Variants in SGMS1 observed in about 807,000 individuals in gnomAD.
SGMS1 encodes phosphatidylcholine:ceramide cholinephosphotransferase 1.
A neutral mutation model predicts 46.2 loss-of-function variants in SGMS1; 13 were observed. The ratio of observed to expected loss-of-function variants is 0.28; its 90% confidence interval spans 0.18 to 0.45. The LOEUF (loss-of-function observed/expected upper bound fraction) is 0.45. SGMS1 is among the 20% of genes least tolerant of loss of function. SGMS1 has a pLI of 1.00. For missense variants in SGMS1, 324 were observed against 519.9 expected, an observed-to-expected ratio of 0.62 and a Z score of 3.66; for synonymous variants, 203 against 187.8, an observed-to-expected ratio of 1.08 and a Z score of -0.66.
chr10:50,445,540 T>C (rs1837000507), intron 5 of SGMS1, among the ~76,000 whole-genome samples: 1 of 152,182 alleles, frequency 6.6e-6, no homozygotes, highest in Admixed American at 6.5e-5. Flanking sequence ...CTGTCTTTAC[T>C]GCAATCTCTG....
chr10:50,485,872 C>T (rs1358877486), intron 3 of SGMS1, among the ~76,000 whole-genome samples: 1 of 152,094 alleles, frequency 6.6e-6, no homozygotes, highest in Non-Finnish European at 1.5e-5. Flanking sequence ...TGCATTCCAG[C>T]CTGGGCAACA....
rs992181053 is a variant in SGMS1 at position 50,621,260 on chromosome 10, G to A, written c.-684+2447C>T. ...GGTTTTCATGACGTATGTTAACAAAGCACACCATTTCTCTAGCTGAAATGT... is the reference window on the plus strand; with the variant it reads ...GGTTTTCATGACGTATGTTAACAAAACACACCATTTCTCTAGCTGAAATGT... On this transcript the variant is annotated intron_variant, in intron 1 of 10. Transcript: ENST00000361781. Among the ~76,000 whole-genome samples the A allele has an allele frequency of 5.3e-5, 8 of 152,168 alleles. No homozygotes were observed. In the East Asian group the frequency reaches 1.5e-3, roughly 29 times the overall value.
intron 6 of SGMS1, among the ~76,000 whole-genome samples, chr10:50,398,116 G>A (rs772028798): frequency 3.3e-5 from 5 of 152,208 alleles, no homozygotes; most frequent in African/African-American, 4.8e-5. Flanking sequence ...AATAAAGTGA[G>A]GCAGACAAGT....
intron 4 of SGMS1, among the ~76,000 whole-genome samples, chr10:50,464,760 C>A (rs527758108): frequency 5.9e-5 from 9 of 152,224 alleles, no homozygotes; most frequent in Non-Finnish European, 8.8e-5. Context: ...GTGAGACCTG[C>A]ATCAGTCTTC....
At chr10:50,551,921 C>A (rs760137493) in intron 2 of SGMS1, among the ~76,000 whole-genome samples, 3 of 152,174 alleles carry the variant, frequency 2.0e-5, no homozygotes, top group Admixed American at 6.5e-5. Context: ...TGGCTTCCCA[C>A]TACTTATATC....
intron 2 of SGMS1, among the ~76,000 whole-genome samples, chr10:50,559,757 C>T (rs36122110): frequency 0.2 from 30,285 of 152,094 alleles, 3,955 homozygotes; most frequent in East Asian, 0.64. Flanking sequence ...GGGTGGCTAA[C>T]AGGCACATGG....
intron 7 of SGMS1, 129 bp downstream of exon 7, chr10:50,343,363 T>C (rs1847851278): frequency 8.9e-7 from 1 of 1,120,518 alleles, no homozygotes; most frequent in African/African-American, 1.6e-5. Flanking sequence ...AGGGTATGTG[T>C]TTAAAAAAGA....
chr10:50,320,629 C>T (rs1292717009), intron 8 of SGMS1, among the ~76,000 whole-genome samples: 2 of 152,194 alleles, frequency 1.3e-5, no homozygotes, highest in African/African-American at 2.4e-5. Context: ...AAAATCTTCC[C>T]ACAAGATTGA....
At chr10:50,453,819 G>T (rs1209636263) in intron 5 of SGMS1, among the ~76,000 whole-genome samples, 2 of 35,522 alleles carry the variant, frequency 5.6e-5, no homozygotes, top group Non-Finnish European at 1.4e-4. Flanking sequence ...GAGGGAGGAA[G>T]GGAGGGAGGG....
At chr10:50,482,680 T>C (rs1432536518) in intron 3 of SGMS1, among the ~76,000 whole-genome samples, 2 of 151,976 alleles carry the variant, frequency 1.3e-5, no homozygotes, top group Non-Finnish European at 2.9e-5. Flanking sequence ...GCTAGGATCA[T>C]TTGACAGGAT....
At chr10:50,494,143 G>A (rs1297453378) in intron 3 of SGMS1, among the ~76,000 whole-genome samples, 1 of 152,190 alleles carries the variant, frequency 6.6e-6, no homozygotes, top group Non-Finnish European at 1.5e-5. Context: ...ATGCTGGCGA[G>A]GTTCTAGAGA....
intron 8 of SGMS1, among the ~76,000 whole-genome samples, chr10:50,318,193 T>C (rs1847379248): frequency 6.6e-6 from 1 of 152,236 alleles, no homozygotes; most frequent in South Asian, 2.1e-4. Context: ...TCCCAATTGA[T>C]TTTAACTTTC....
At chr10:50,609,024 G>A (rs781590200) in intron 1 of SGMS1, among the ~76,000 whole-genome samples, 28 of 151,922 alleles carry the variant, frequency 1.8e-4, no homozygotes, top group South Asian at 2.1e-4. Flanking sequence ...TCACTCTGTC[G>A]CCCAGTTTGG....
At chr10:50,537,271 T>C (rs1413185370) in intron 2 of SGMS1, among the ~76,000 whole-genome samples, 3 of 152,066 alleles carry the variant, frequency 2.0e-5, no homozygotes, top group Non-Finnish European at 4.4e-5. Context: ...TCCAGAAAGT[T>C]TGGAGTATGG....
intron 5 of SGMS1, among the ~76,000 whole-genome samples, chr10:50,457,130 A>G (rs1171843875): frequency 2.6e-5 from 4 of 152,234 alleles, no homozygotes; most frequent in Middle Eastern, 3.2e-3. Flanking sequence ...CCCAAAGGGA[A>G]TACTTATAGC....
At chr10:50,464,134 C>T (rs1837301208) in intron 4 of SGMS1, among the ~76,000 whole-genome samples, 1 of 152,128 alleles carries the variant, frequency 6.6e-6, no homozygotes, top group African/African-American at 2.4e-5. Context: ...ATAGTTAACA[C>T]TACTGTACAC....
At chr10:50,617,397 T>C (rs1334464860) in intron 1 of SGMS1, among the ~76,000 whole-genome samples, 2 of 152,112 alleles carry the variant, frequency 1.3e-5, no homozygotes, top group African/African-American at 2.4e-5. Context: ...AGCATATCAG[T>C]GGTTGCTTAA....
chr10:50,523,901 G>T (rs1225438634), intron 2 of SGMS1, among the ~76,000 whole-genome samples: 1 of 152,248 alleles, frequency 6.6e-6, no homozygotes, highest in Non-Finnish European at 1.5e-5. Context: ...GCACACGTGT[G>T]CACATGCGCA....
At chr10:50,566,893 T>C (rs1393099881) in intron 2 of SGMS1, among the ~76,000 whole-genome samples, 1 of 152,230 alleles carries the variant, frequency 6.6e-6, no homozygotes, top group Non-Finnish European at 1.5e-5. Flanking sequence ...CGAAAATGCT[T>C]TGTAAATAGT....
Sources: gnomAD v4.1 joint callset for allele counts (sites outside exome capture counted in the v4.1 genomes callset) on GRCh38, gnomAD v4.1.1 for gene constraint, MANE v1.5 for transcripts, NCBI Gene and HGNC (gene_info 2026-07-23, HGNC 2026-07-21) for gene names.